The following TFB2M variants were observed in gnomAD, a reference collection of about 807,000 sequenced individuals.
TFB2M encodes the protein transcription factor B2, mitochondrial, also known as dimethyladenosine transferase 2, mitochondrial.
A neutral mutation model predicts 41.3 loss-of-function variants in TFB2M; 44 were observed. The ratio of observed to expected loss-of-function variants is 1.07; its 90% CI spans 0.84 to 1.37. The LOEUF is 1.37. TFB2M is among the 40% of genes most tolerant of loss of function. The pLI is 0.00. For missense variants in TFB2M, 496 were observed against 490.2 expected, an observed-to-expected ratio of 1.01 and a Z score of -0.11; for synonymous variants, 188 against 176.8, an observed-to-expected ratio of 1.06 and a Z score of -0.50.
intron 2 of TFB2M, among the ~76,000 whole-genome samples, chr1:246,561,503 T>C (rs112137592): frequency 1.3e-5 from 2 of 152,196 alleles, no homozygotes; most frequent in African/African-American, 4.8e-5. Flanking sequence ...GTTTTGCTCC[T>C]GTAGCCCAGG....
intron 4 of TFB2M, among the ~76,000 whole-genome samples, chr1:246,555,177 A>C (rs1032241050): frequency 1.3e-5 from 2 of 151,758 alleles, no homozygotes; most frequent in East Asian, 2.0e-4. Context: ...ATTACCAAAA[A>C]CCCAGAAAAC....
In TFB2M at chr1:246,564,340, A is replaced by G; in HGVS notation, c.402+6T>C. 6.2e-7 allele frequency: 1 copy of G among 1,613,800 alleles called. No homozygotes were observed. The highest frequency in any genetic ancestry group is 8.5e-7 in the Non-Finnish European group (1 of 1,179,674). The stretch of plus-strand genomic sequence containing the variant: ...AATAACATACGTTGAGAAACTAAAA[A>G]TATACCTCCAAATGTGGAATAAAAG... On this transcript the variant is annotated splice_donor_region_variant and intron_variant, in intron 2 of 7. Coordinates refer to ENST00000366514, the MANE Select transcript of TFB2M (RefSeq NM_022366.3).
At chr1:246,547,979 GCT>G (rs1659069475) in intron 6 of TFB2M, among the ~76,000 whole-genome samples, 3 of 143,216 alleles carry the variant, frequency 2.1e-5, no homozygotes, top group African/African-American at 7.9e-5. Flanking sequence ...ACAGAGTCTC[GCT>G]CTGTTGTCAG....
intron 1 of TFB2M, 102 bp downstream of exon 1, chr1:246,565,715 CAAAAGAACA>C (rs1659632873): frequency 8.1e-7 from 1 of 1,229,650 alleles, no homozygotes; most frequent in Non-Finnish European, 1.1e-6. Flanking sequence ...CGTCTCAAAG[CAAAAGAACA>C]ACAAAAAAGA....
chr1:246,565,311 A>G (rs1659592098), intron 1 of TFB2M, among the ~76,000 whole-genome samples: 1 of 152,354 alleles, frequency 6.6e-6, no homozygotes, highest in East Asian at 1.9e-4. Flanking sequence ...TTTTATCAAA[A>G]TATTGTGTAA....
intron 6 of TFB2M, 66 bp downstream of exon 6, chr1:246,548,479 T>TAAA: frequency 1.6e-6 from 2 of 1,275,594 alleles, no homozygotes; most frequent in Admixed American, 2.2e-5. Context: ...CAAATAGTCC[T>TAAA]AAAAAAATAA....
intron 2 of TFB2M, among the ~76,000 whole-genome samples, chr1:246,563,024 G>A (rs1659497702): frequency 6.6e-6 from 1 of 152,034 alleles, no homozygotes; most frequent in East Asian, 1.9e-4. Context: ...CCGCTTCCTG[G>A]TCCCTCAGCT....
intron 2 of TFB2M, among the ~76,000 whole-genome samples, chr1:246,562,219 A>C (rs919790433): frequency 6.6e-6 from 1 of 152,200 alleles, no homozygotes; most frequent in Admixed American, 6.5e-5. Flanking sequence ...GCCATTCTGC[A>C]TGGTTTCACA....
intron 6 of TFB2M, among the ~76,000 whole-genome samples, chr1:246,547,788 G>A (rs937800067): frequency 2.0e-5 from 3 of 151,636 alleles, no homozygotes; most frequent in African/African-American, 7.3e-5. Context: ...TTCACAACTA[G>A]CCCTGAGATA....
intron 7 of TFB2M, among the ~76,000 whole-genome samples, chr1:246,542,985 A>AT (rs11380318): frequency 0.58 from 49,114 of 84,870 alleles, 16,103 homozygotes; most frequent in East Asian, 0.82. Context: ...CTGCCTCCCA[A>AT]TTTTTTTTTT....
chr1:246,556,099 A>G (rs577691547), intron 4 of TFB2M, among the ~76,000 whole-genome samples: 132 of 152,202 alleles, frequency 8.7e-4, no homozygotes, highest in African/African-American at 3.0e-3. Flanking sequence ...CCAGAATGGA[A>G]TATTATTCAG....
Position 246,549,546 on chromosome 1 carries a change from C to G in TFB2M, c.796-939G>C, listed in dbSNP as rs567971672. Among the ~76,000 whole-genome samples the G allele has an allele frequency of 7.9e-5, 12 of 152,244 alleles. No individual in the cohort carries two copies. In the South Asian group the frequency reaches 2.5e-3, roughly 32 times the overall value. On this transcript the variant is annotated intron_variant, in intron 5 of 7. Coordinates refer to ENST00000366514, the MANE Select transcript of TFB2M (RefSeq NM_022366.3). ...GCAGTGAGCCGGGATTGTGCTGGTG[C>G]ACTCCAACCTGGGCTGACAGAGTGA...
At chr1:246,544,435 T>A in intron 7 of TFB2M, 86 bp downstream of exon 7, 5 of 1,245,634 alleles carry the variant, frequency 4.0e-6, no homozygotes, top group Non-Finnish European at 5.6e-6. Context: ...ACTCTGTCAA[T>A]CAAGATATAA....
At chr1:246,554,801 C>A (rs3120709) in intron 4 of TFB2M, among the ~76,000 whole-genome samples, 2 of 152,142 alleles carry the variant, frequency 1.3e-5, no homozygotes, top group South Asian at 2.1e-4. Flanking sequence ...GGGGACCGCC[C>A]AGCTACGTAT....
At chr1:246,557,607 T>C (rs1287657620) in intron 2 of TFB2M, 73 bp from the exon 3 acceptor site, 1 of 1,221,426 alleles carries the variant, frequency 8.2e-7, no homozygotes, top group Non-Finnish European at 1.1e-6. Flanking sequence ...CAAAAAACTC[T>C]ACTTCAAAAA....
Position 246,551,224 on chromosome 1 carries a change from C to T in TFB2M, c.784G>A (p.Val262Ile), listed in dbSNP as rs988862969. Residue 262 changes from valine to isoleucine, a missense_variant, in exon 5 of 8, where the codon GTT becomes ATT. Val to Ile is a conservative substitution (Grantham distance 29). Coordinates refer to ENST00000366514, the MANE Select transcript of TFB2M (RefSeq NM_022366.3). Reference protein sequence around the residue: ...VIWQLACEIKVLHMEPWSSFD... With the variant: ...VIWQLACEIKILHMEPWSSFD... ...AGGATTTTACTCACCATGTGCAGAA[C>T]CTTAATCTCACAAGCTAATTGCCAG... The T allele has an allele frequency of 6.2e-7, 1 of 1,613,482 alleles. No homozygotes were observed. Among genetic ancestry groups the T allele is most frequent in the Non-Finnish European group, 8.5e-7 (1 of 1,179,476 alleles).
At chr1:246,565,719 A>G in intron 1 of TFB2M, 107 bp downstream of exon 1, 1 of 1,255,918 alleles carries the variant, frequency 8.0e-7, no homozygotes, top group Non-Finnish European at 1.1e-6. Flanking sequence ...TCAAAGCAAA[A>G]GAACAACAAA....
At chr1:246,557,875 T>C (rs1659365256) in intron 2 of TFB2M, among the ~76,000 whole-genome samples, 1 of 152,184 alleles carries the variant, frequency 6.6e-6, no homozygotes, top group Admixed American at 6.5e-5. Flanking sequence ...TTCACCATGT[T>C]GGCCAGGAGA....
At chr1:246,552,385 T>C (rs138758933) in intron 4 of TFB2M, among the ~76,000 whole-genome samples, 143 of 152,314 alleles carry the variant, frequency 9.4e-4, no homozygotes, top group Admixed American at 2.9e-3. Flanking sequence ...CAGGAAGACC[T>C]TCCATTACAG....
Sources: gnomAD v4.1 joint callset for allele counts (sites outside exome capture counted in the v4.1 genomes callset) on GRCh38, gnomAD v4.1.1 for gene constraint, MANE v1.5 for transcripts, NCBI Gene and HGNC (gene_info 2026-07-23, HGNC 2026-07-21) for gene names.